The following ERBB4 variants were observed in gnomAD, a reference collection of about 807,000 sequenced individuals.
The protein encoded by ERBB4 is receptor tyrosine-protein kinase erbB-4.
ERBB4 carries 42 observed loss-of-function variants against 158.0 expected under a neutral mutation model. The observed-to-expected ratio is 0.27, with a 90% CI of 0.21 to 0.34. ERBB4 has a LOEUF of 0.34. Among genes scored for constraint, ERBB4 ranks in the 10% least tolerant of loss-of-function variants. The pLI is 1.00. For synonymous variants in ERBB4, 583 were observed against 558.7 expected (o/e 1.04, Z -0.61); for missense variants, 1,333 against 1,624.1 (o/e 0.82, Z 3.08).
At chr2:211,455,193 T>TG (rs1420658711) in intron 20 of ERBB4, among the ~76,000 whole-genome samples, 2 of 152,260 alleles carry the variant, frequency 1.3e-5, no homozygotes, top group African/African-American at 4.8e-5. Context: ...TACACACAGA[T>TG]GGCTTACATT....
intron 2 of ERBB4, among the ~76,000 whole-genome samples, chr2:212,039,423 A>G (rs2077087671): frequency 6.6e-6 from 1 of 152,194 alleles, no homozygotes. Flanking sequence ...AGGATACTTT[A>G]CATGGCTACA....
At chr2:212,206,997 C>CAAAAAAAA (rs530343240) in intron 1 of ERBB4, among the ~76,000 whole-genome samples, 1 of 117,600 alleles carries the variant, frequency 8.5e-6, no homozygotes, top group Non-Finnish European at 1.8e-5. Context: ...TGAGAAGTTT[C>CAAAAAAAA]AAAAAAAAAA....
rs370048474 is a variant in ERBB4 at position 211,826,593 on chromosome 2, G to A, written c.422-38434C>T. ...TGTTTTATTTCCTCCTGGCTCCCAA[G>A]GACCTAGAACAGTGTCTGGTATCAA... On this transcript the variant is annotated intron_variant, in intron 3 of 27. Coordinates refer to ENST00000342788, the MANE Select transcript of ERBB4 (RefSeq NM_005235.3). Among the ~76,000 whole-genome samples, 59 of 151,850 alleles carry A rather than the reference G, an allele frequency of 3.9e-4. No homozygotes were observed. The East Asian group carries it at 9.3e-3, about 24-fold the overall frequency.
chr2:212,000,672 A>G (rs1215721239), intron 2 of ERBB4, among the ~76,000 whole-genome samples: 1 of 151,896 alleles, frequency 6.6e-6, no homozygotes, highest in South Asian at 2.1e-4. Flanking sequence ...ATGGACTTAA[A>G]TACCAAGTTA....
chr2:211,514,526 C>T (rs2065973491), intron 20 of ERBB4, among the ~76,000 whole-genome samples: 1 of 152,158 alleles, frequency 6.6e-6, no homozygotes, highest in Non-Finnish European at 1.5e-5. Context: ...ACTCAATCTT[C>T]ACTACTTGGA....
At chr2:211,868,636 G>T (rs2078267766) in intron 3 of ERBB4, among the ~76,000 whole-genome samples, 1 of 151,942 alleles carries the variant, frequency 6.6e-6, no homozygotes, top group Non-Finnish European at 1.5e-5. Context: ...CTCAACTGTT[G>T]GGTTGTTCTT....
chr2:212,365,651 C>G (rs2089861721), intron 1 of ERBB4, among the ~76,000 whole-genome samples: 1 of 151,806 alleles, frequency 6.6e-6, no homozygotes, highest in Non-Finnish European at 1.5e-5. Context: ...GAAATATTAT[C>G]TTTGATAAGT....
At chr2:212,530,219 TA>T (rs1374199467) in intron 1 of ERBB4, among the ~76,000 whole-genome samples, 1 of 152,180 alleles carries the variant, frequency 6.6e-6, no homozygotes, top group Non-Finnish European at 1.5e-5. Context: ...ATGATGCTTA[TA>T]AAAATCTTGG....
chr2:212,258,539 G>C (rs1441915592), intron 1 of ERBB4, among the ~76,000 whole-genome samples: 1 of 149,860 alleles, frequency 6.7e-6, no homozygotes, highest in Non-Finnish European at 1.5e-5. Context: ...GGTAATAAAA[G>C]GTAAATTTTA....
intron 20 of ERBB4, among the ~76,000 whole-genome samples, chr2:211,522,246 C>A (rs1574662894): frequency 6.6e-6 from 1 of 152,082 alleles, no homozygotes; most frequent in East Asian, 1.9e-4. Context: ...ATTAACAGGA[C>A]TTTGGAAGAA....
intron 5 of ERBB4, among the ~76,000 whole-genome samples, chr2:211,748,059 G>T (rs1036874959): frequency 6.6e-6 from 1 of 151,268 alleles, no homozygotes; most frequent in East Asian, 1.9e-4. Flanking sequence ...TTTTTTATAT[G>T]TATTATTTTT....
intron 3 of ERBB4, among the ~76,000 whole-genome samples, chr2:211,850,929 T>A (rs1258787241): frequency 6.6e-6 from 1 of 151,942 alleles, no homozygotes; most frequent in Non-Finnish European, 1.5e-5. Context: ...ATTATATGTA[T>A]CAGGTTTAAG....
At chr2:212,520,039 C>A (rs984863061) in intron 1 of ERBB4, among the ~76,000 whole-genome samples, 1 of 151,550 alleles carries the variant, frequency 6.6e-6, no homozygotes, top group African/African-American at 2.4e-5. Flanking sequence ...TAAATATGGA[C>A]AATTATTATT....
chr2:211,439,212 T>C (rs1390601992), intron 20 of ERBB4, among the ~76,000 whole-genome samples: 4 of 152,160 alleles, frequency 2.6e-5, no homozygotes, highest in Non-Finnish European at 5.9e-5. Flanking sequence ...TGGACAGACT[T>C]ACAAAATTCT....
At chr2:211,504,266 A>C (rs1308635699) in intron 20 of ERBB4, among the ~76,000 whole-genome samples, 1 of 152,102 alleles carries the variant, frequency 6.6e-6, no homozygotes, top group Non-Finnish European at 1.5e-5. Flanking sequence ...AGTGAGCCAG[A>C]TAATATGCAC....
At chr2:212,138,304 A>G (rs563041969) in intron 1 of ERBB4, among the ~76,000 whole-genome samples, 18 of 152,188 alleles carry the variant, frequency 1.2e-4, no homozygotes, top group Non-Finnish European at 2.2e-4. Flanking sequence ...TGGGCATAAC[A>G]GTAGTCAATG....
chr2:212,025,586 G>T (rs1468882423), intron 2 of ERBB4, among the ~76,000 whole-genome samples: 1 of 151,674 alleles, frequency 6.6e-6, no homozygotes, highest in African/African-American at 2.4e-5. Context: ...TTTTATCCCT[G>T]ACACAGTATC....
At chr2:211,939,705 C>T (rs950388369) in intron 3 of ERBB4, among the ~76,000 whole-genome samples, 5 of 152,050 alleles carry the variant, frequency 3.3e-5, no homozygotes, top group Admixed American at 1.3e-4. Flanking sequence ...CCCAGCACTT[C>T]GGAAGGCCGA....
intron 1 of ERBB4, among the ~76,000 whole-genome samples, chr2:212,481,472 T>C (rs1413423756): frequency 6.6e-6 from 1 of 152,174 alleles, no homozygotes; most frequent in Non-Finnish European, 1.5e-5. Context: ...ATTTCTTTCT[T>C]TCTCTGCCAA....
Sources: gnomAD v4.1 joint callset for allele counts (sites outside exome capture counted in the v4.1 genomes callset) on GRCh38, gnomAD v4.1.1 for gene constraint, MANE v1.5 for transcripts, NCBI Gene and HGNC (gene_info 2026-07-23, HGNC 2026-07-21) for gene names.